The following CEP85L variants were observed in gnomAD, a reference collection of about 807,000 sequenced individuals.
CEP85L encodes centrosomal protein 85L.
CEP85L carries 60 observed loss-of-function variants against 100.3 expected under a neutral mutation model. The observed-to-expected ratio is 0.60, with a 90% confidence interval of 0.49 to 0.74. CEP85L has a LOEUF of 0.74. Ranked by LOEUF, CEP85L falls within the 30% of genes least tolerant of loss-of-function variation. CEP85L has a pLI of 0.00. For missense variants in CEP85L, 973 were observed against 936.2 expected, an observed-to-expected ratio of 1.04 and a Z score of -0.51; for synonymous variants, 319 against 322.7, an observed-to-expected ratio of 0.99 and a Z score of 0.12.
intron 3 of CEP85L, chr6:118,537,628 A>G: frequency 1.0e-6 from 1 of 985,374 alleles, no homozygotes; most frequent in South Asian, 4.7e-5. Context: ...GGATACTATG[A>G]AAAGTTGCCA....
intron 3 of CEP85L, among the ~76,000 whole-genome samples, chr6:118,536,199 G>A (rs1424508553): frequency 2.6e-5 from 4 of 152,078 alleles, no homozygotes; most frequent in Non-Finnish European, 5.9e-5. Context: ...AAACAACATA[G>A]ATTAAATTCA....
chr6:118,595,676 A>G (rs568912275), intron 2 of CEP85L, among the ~76,000 whole-genome samples: 34 of 152,360 alleles, frequency 2.2e-4, no homozygotes, highest in South Asian at 2.1e-3. Context: ...ATGAAGTATA[A>G]TAAGTGTGTA....
At chr6:118,467,546 G>T (rs191576604) in intron 12 of CEP85L, among the ~76,000 whole-genome samples, 1 of 152,276 alleles carries the variant, frequency 6.6e-6, no homozygotes, top group Admixed American at 6.5e-5. Flanking sequence ...ATAAGGTAAG[G>T]ATTCTGGGGT....
At chr6:118,600,747 C>T (rs925342961) in intron 2 of CEP85L, among the ~76,000 whole-genome samples, 1 of 151,424 alleles carries the variant, frequency 6.6e-6, no homozygotes, top group Admixed American at 6.6e-5. Context: ...ATTGATCTGA[C>T]ACCATTTCTA....
At chr6:118,470,426 A>G in intron 11 of CEP85L, 111 bp downstream of exon 11, 1 of 503,356 alleles carries the variant, frequency 2.0e-6, no homozygotes. Flanking sequence ...ATTAATTAAC[A>G]GGCATATCAA....
At chr6:118,496,930 T>C (rs73766522) in intron 5 of CEP85L, among the ~76,000 whole-genome samples, 4,429 of 152,296 alleles carry the variant, frequency 0.029, 221 homozygotes, top group African/African-American at 0.1. Flanking sequence ...TGCATAAACA[T>C]TGGGATTTCT....
chr6:118,567,328 A>T (rs1346449190), intron 2 of CEP85L, among the ~76,000 whole-genome samples: 1 of 143,194 alleles, frequency 7.0e-6, no homozygotes, highest in Non-Finnish European at 1.5e-5. Context: ...GTCTACTTTT[A>T]TTCCTTTCTC....
intron 2 of CEP85L, among the ~76,000 whole-genome samples, chr6:118,591,056 A>T (rs964047403): frequency 9.2e-5 from 14 of 151,988 alleles, no homozygotes; most frequent in African/African-American, 3.1e-4. Flanking sequence ...CAGCAATCAC[A>T]CTCTCTCTAC....
intron 1 of CEP85L, among the ~76,000 whole-genome samples, chr6:118,706,060 T>A (rs968292350): frequency 6.6e-6 from 1 of 152,204 alleles, no homozygotes; most frequent in Non-Finnish European, 1.5e-5. Context: ...GCCGTCTATG[T>A]AGGTGTGTGT....
intron 1 of CEP85L, among the ~76,000 whole-genome samples, chr6:118,676,028 G>T (rs1036053116): frequency 2.6e-5 from 4 of 151,982 alleles, no homozygotes; most frequent in African/African-American, 9.7e-5. Flanking sequence ...GTTGTTTTTT[G>T]ATTGTATTGT....
intron 1 of CEP85L, among the ~76,000 whole-genome samples, chr6:118,648,604 T>C (rs1229432226): frequency 7.3e-5 from 11 of 151,700 alleles, no homozygotes; most frequent in African/African-American, 2.4e-4. Flanking sequence ...AACCCGGGTG[T>C]GGTGGCGGGA....
intron 3 of CEP85L, among the ~76,000 whole-genome samples, chr6:118,538,402 A>AAT (rs963057922): frequency 3.3e-4 from 50 of 151,964 alleles, no homozygotes; most frequent in Non-Finnish European, 5.3e-4. Context: ...TGATGATATA[A>AAT]ATATATATAT....
intron 2 of CEP85L, among the ~76,000 whole-genome samples, chr6:118,617,054 T>A (rs1303073696): frequency 2.0e-5 from 3 of 151,766 alleles, no homozygotes; most frequent in Admixed American, 6.6e-5. Context: ...ATAAAAAAAA[T>A]TTTAAAAATA....
chr6:118,700,077 T>C (rs1158389897), intron 1 of CEP85L, among the ~76,000 whole-genome samples: 1 of 152,244 alleles, frequency 6.6e-6, no homozygotes, highest in Non-Finnish European at 1.5e-5. Context: ...TCAGTGTCAC[T>C]GTTGAAATCA....
At chr6:118,490,911 C>CT (rs1562193498) in intron 6 of CEP85L, among the ~76,000 whole-genome samples, 1 of 150,724 alleles carries the variant, frequency 6.6e-6, no homozygotes, top group Non-Finnish European at 1.5e-5. Context: ...ACCACATTTT[C>CT]TTTATCGATT....
chr6:118,520,446 TATA>T (rs1776594270), intron 4 of CEP85L, among the ~76,000 whole-genome samples: 2 of 152,226 alleles, frequency 1.3e-5, no homozygotes, highest in Admixed American at 6.5e-5. Flanking sequence ...ATTTGTGGGG[TATA>T]ATGTGATATT....
chr6:118,619,524 T>C (rs1232932994), intron 2 of CEP85L, among the ~76,000 whole-genome samples: 1 of 152,096 alleles, frequency 6.6e-6, no homozygotes, highest in African/African-American at 2.4e-5. Flanking sequence ...CCCCACTCTC[T>C]TCCCTCACTG....
At chr6:118,558,713 G>T in intron 3 of CEP85L, 19 of 546,104 alleles carry the variant, frequency 3.5e-5, no homozygotes, top group Non-Finnish European at 4.9e-5. Context: ...GAAACATGAT[G>T]TTATAAATAA....
At chr6:118,528,864 C>A (rs1181979671) in intron 3 of CEP85L, among the ~76,000 whole-genome samples, 1 of 152,120 alleles carries the variant, frequency 6.6e-6, no homozygotes, top group Non-Finnish European at 1.5e-5. Context: ...AGCAAGGCAA[C>A]TATACCTTTA....
Sources: gnomAD v4.1 joint callset for allele counts (sites outside exome capture counted in the v4.1 genomes callset) on GRCh38, gnomAD v4.1.1 for gene constraint, MANE v1.5 for transcripts, NCBI Gene and HGNC (gene_info 2026-07-23, HGNC 2026-07-21) for gene names.